Variants in RNH1 observed in about 807,000 individuals in gnomAD.
RNH1 encodes the protein ribonuclease inhibitor.
A neutral mutation model predicts 46.1 loss-of-function variants in RNH1; 38 were observed. That is an observed-to-expected ratio of 0.82 (90% confidence interval 0.64 to 1.08). The LOEUF (loss-of-function observed/expected upper bound fraction) is 1.08, where lower values mean the gene tolerates loss of function less well. Ranked by LOEUF, RNH1 falls within the 50% of genes least tolerant of loss-of-function variation. The pLI, the probability that RNH1 is intolerant of heterozygous loss-of-function variation, is 0.00. For missense variants in RNH1, 577 were observed against 590.7 expected, an observed-to-expected ratio of 0.98 and a Z score of 0.24; for synonymous variants, 319 against 279.1, an observed-to-expected ratio of 1.14 and a Z score of -1.43.
At chr11:495,488 G>C (rs1298019639) in intron 9 of RNH1, among the ~76,000 whole-genome samples, 3 of 152,192 alleles carry the variant, frequency 2.0e-5, no homozygotes, top group Non-Finnish European at 2.9e-5. Flanking sequence ...GCTCCAGAGA[G>C]AGACAAGAGA....
In RNH1 at chr11:501,116, T is replaced by C. The variant is rs1380066045; in HGVS notation, c.102-462A>G. The C allele has an allele frequency of 1.3e-5, 4 of 301,716 alleles. No individual in the cohort carries two copies. Among genetic ancestry groups the C allele is most frequent in the Non-Finnish European group, 2.6e-5 (4 of 154,104 alleles). 18.7% of individuals were successfully genotyped at this position (301,716 alleles called of 1,614,324 possible). A position where few individuals can be genotyped will look rare whatever the true frequency, so the allele number is the denominator to read the frequency against. On this transcript the variant is annotated intron_variant, in intron 3 of 10. Transcript: ENST00000354420. This position sits in a 1 kb window ranked among gnomAD's most constrained non-coding sequence, Gnocchi z 4.1. ...CAGCCTGGGTGACAGAGCAATGCCCTGTCTCTAAAAATAAAAAGAATTTAA... is the reference window on the plus strand; with the variant it reads ...CAGCCTGGGTGACAGAGCAATGCCCCGTCTCTAAAAATAAAAAGAATTTAA...
chr11:497,641 ACT>A lies in RNH1; in HGVS notation c.1127+328_1127+329del, dbSNP rs530087253. ...CACTCTCACGTGCTCACACACGGAC[ACT>A]CGTGCTCTCACCCATGTGCTCACAC... is the stretch of plus-strand genomic sequence containing the variant. On this transcript the variant is annotated intron_variant, in intron 9 of 10. Transcript: ENST00000354420. 7.6e-3 allele frequency among the ~76,000 whole-genome samples: 940 copies of A among 124,022 alleles called. 17 individuals carry two copies. The highest frequency in any genetic ancestry group is 0.028 in the African/African-American group (887 of 31,598). The allele number at this position is 124,022 out of a possible 152,430, so 81.4% of individuals were successfully genotyped here. A position where few individuals can be genotyped will look rare whatever the true frequency, so the allele number is the denominator to read the frequency against.
In RNH1 at chr11:502,012, C is replaced by T. The variant is rs1029967019; in HGVS notation, c.101+50G>A. The T allele has an allele frequency of 5.0e-6, 7 of 1,390,298 alleles. No individual in the cohort carries two copies. Among genetic ancestry groups the T allele is most frequent in the African/African-American group, 2.8e-5 (2 of 70,420 alleles). 86.1% of individuals were successfully genotyped at this position (1,390,298 alleles called of 1,614,324 possible). A position where few individuals can be genotyped will look rare whatever the true frequency, so the allele number is the denominator to read the frequency against. ...GCACCCTTCAGAGGGAGCCGCCACC[C>T]GCCAGCCTGCCCCACCAGCACCCCA... On this transcript the variant is annotated intron_variant, in intron 3 of 10. Coordinates refer to ENST00000354420, the MANE Select transcript of RNH1 (RefSeq NM_203387.3). The surrounding 1 kb of genome is among the most constrained non-coding windows in gnomAD (Gnocchi z 5.8).
rs373073288 is a variant in RNH1 at position 495,002 on chromosome 11, G to A, written c.1179C>T (p.Thr393=). 10 of 1,605,062 alleles carry A rather than the reference G, an allele frequency of 6.2e-6. No homozygotes were observed. In the African/African-American group the frequency reaches 1.1e-4, roughly 17 times the overall value. ...SDSSCSSLAA[T]LLANHSLREL... is the part of the protein sequence containing the mutation. ...CACGCAGGCTGTGGTTGGCCAACAG[G>A]GTTGCGGCGAGGCTGCTGCAGCTGC... Residue 393 remains threonine, a synonymous_variant, in exon 10 of 11, where the codon ACC becomes ACT. Coordinates refer to ENST00000354420, the MANE Select transcript of RNH1 (RefSeq NM_203387.3).
intron 8 of RNH1, 81 bp from the exon 9 acceptor site, chr11:498,222 C>T: frequency 6.8e-7 from 1 of 1,466,868 alleles, no homozygotes; most frequent in Non-Finnish European, 9.2e-7. Flanking sequence ...CTGAAGGCCC[C>T]ACGTGGACCT....
chr11:500,181 C>G, intron 4 of RNH1, 182 bp from the exon 5 acceptor site: 1 of 731,564 alleles, frequency 1.4e-6, no homozygotes, highest in East Asian at 2.7e-5. Context: ...GCATGTGGCT[C>G]GACCCAGGGA....
At chr11:504,095 C>T (rs920719058) in intron 2 of RNH1, among the ~76,000 whole-genome samples, 8 of 152,210 alleles carry the variant, frequency 5.3e-5, no homozygotes, top group Non-Finnish European at 1.0e-4. Context: ...CTCAACCTTA[C>T]GGAGGGAGGT....
At position 498,178 on chromosome 11, in the gene RNH1, C is replaced by T. The variant is rs761024081; in HGVS notation, c.957-37G>A. The T allele has an allele frequency of 4.4e-6, 7 of 1,580,652 alleles. 1 individual carries two copies. The highest frequency in any genetic ancestry group is 4.0e-5 in the African/African-American group (3 of 74,170). On this transcript the variant is annotated intron_variant, in intron 8 of 10. Coordinates refer to ENST00000354420, the MANE Select transcript of RNH1 (RefSeq NM_203387.3). ...GACAGGACTGACGCCTGGCAGGGGC[C>T]CAGGCTGGCCCACAGCTGCGACTGG...
chr11:500,866 C>T (rs1192051902), intron 3 of RNH1: 9 of 679,478 alleles, frequency 1.3e-5, no homozygotes, highest in South Asian at 3.1e-5. Flanking sequence ...CGGTGGCTCA[C>T]GCCTGTAATC....
At position 501,429 on chromosome 11, in the gene RNH1, G is replaced by A. The variant is rs12806062; in HGVS notation, c.101+633C>T. 14,642 of 159,800 alleles carry A rather than the reference G, an allele frequency of 0.092. 915 individuals carry two copies. Among genetic ancestry groups the A allele is most frequent in the Admixed American group, 0.17 (2,961 of 17,068 alleles). 9.9% of individuals were successfully genotyped at this position (159,800 alleles called of 1,614,324 possible). A position where few individuals can be genotyped will look rare whatever the true frequency, so the allele number is the denominator to read the frequency against. On this transcript the variant is annotated intron_variant, in intron 3 of 10. Coordinates refer to ENST00000354420, the MANE Select transcript of RNH1 (RefSeq NM_203387.3). The surrounding 1 kb of genome is among the most constrained non-coding windows in gnomAD (Gnocchi z 4.1). ...AAGGAGACAGAGGGCTGAGGGCCAC[G>A]CAATCCTGGACCAGTGAGGAAGACG...
In RNH1 at chr11:494,590, T is replaced by C. The variant is rs573613628; in HGVS notation, c.*101A>G. 2.0e-6 allele frequency: 2 copies of C among 1,025,590 alleles called. No individual in the cohort carries two copies. Among genetic ancestry groups the C allele is most frequent in the Admixed American group, 4.2e-5 (2 of 47,124 alleles). 63.5% of individuals were successfully genotyped at this position (1,025,590 alleles called of 1,614,324 possible). Reference sequence around the variant, plus strand: ...AAATAAGCGGATCTGAGCGTTTCTCTTCAAACCTAGGATATGCAGGGTGAG... The same window carrying C: ...AAATAAGCGGATCTGAGCGTTTCTCCTCAAACCTAGGATATGCAGGGTGAG... On this transcript the variant is annotated 3_prime_UTR_variant, in exon 11 of 11. Coordinates refer to ENST00000354420, the MANE Select transcript of RNH1 (RefSeq NM_203387.3).
At chr11:497,861 TACAC>T (rs1247761735) in intron 9 of RNH1, 106 bp downstream of exon 9, 22 of 1,316,866 alleles carry the variant, frequency 1.7e-5, no homozygotes, top group Middle Eastern at 2.7e-4. Flanking sequence ...TGTGCTCACA[TACAC>T]ACGGACACTC....
chr11:499,948 T>C lies in RNH1; in HGVS notation c.324A>G (p.Thr108=), dbSNP rs773470528. ...TGAGCGVLSS[T]LRTLPTLQEL... ...CCTGCAGGGTGGGCAGGGTGCGTAGTGTGCTGGACAGGACCCCGCAGCCGG... is the reference window on the plus strand; with the variant it reads ...CCTGCAGGGTGGGCAGGGTGCGTAGCGTGCTGGACAGGACCCCGCAGCCGG... The change falls in exon 5 of 11, where the codon ACA becomes ACG. Residue 108 remains threonine (T), a synonymous_variant. Coordinates refer to ENST00000354420, the MANE Select transcript of RNH1 (RefSeq NM_203387.3). 16 of 1,609,778 alleles carry C rather than the reference T, an allele frequency of 9.9e-6. No homozygotes were observed. Among genetic ancestry groups the C allele is most frequent in the Admixed American group, 3.4e-5 (2 of 59,538 alleles).
At chr11:497,929 TG>T (rs778317296) in intron 9 of RNH1, 41 bp downstream of exon 9, 48 of 1,587,802 alleles carry the variant, frequency 3.0e-5, no homozygotes, top group Non-Finnish European at 3.9e-5. Context: ...CACGGGCATA[TG>T]ATCTCCCAAA....
chr11:499,261 T>G, intron 5 of RNH1, 76 bp from the exon 6 acceptor site: 12 of 1,511,838 alleles, frequency 7.9e-6, no homozygotes, highest in African/African-American at 1.4e-5. Context: ...GCACGGGGTG[T>G]GCTGGTGTCT....
chr11:499,543 G>A (rs1371703783), intron 5 of RNH1: 14 of 699,658 alleles, frequency 2.0e-5, no homozygotes, highest in Middle Eastern at 2.3e-4. Context: ...CCTGACTCAC[G>A]GCCAGGCATC....
At chr11:496,396 G>A (rs992786960) in intron 9 of RNH1, among the ~76,000 whole-genome samples, 2 of 152,092 alleles carry the variant, frequency 1.3e-5, no homozygotes, top group Non-Finnish European at 1.5e-5. Context: ...TAGGCCAGGC[G>A]TGGTGGCTCA....
intron 1 of RNH1, chr11:505,965 C>G (rs367749406): frequency 6.6e-6 from 1 of 152,150 alleles, no homozygotes. Context: ...CCGCAACCTC[C>G]GCCTCCTGAG....
Position 499,881 on chromosome 11 carries a change from G to A in RNH1, c.391C>T (p.Gln131Ter). The A allele has an allele frequency of 1.2e-6, 2 of 1,613,214 alleles. No individual in the cohort carries two copies. Among genetic ancestry groups the A allele is most frequent in the East Asian group, 2.2e-5 (1 of 44,896 alleles). The stretch of plus-strand genomic sequence containing the variant: ...TCCAGGAGTCCTTCGCAGAGCAGCT[G>A]CAGGCCCGCATCCCCCAAGAGGTTG... ...SDNLLGDAGL[Q>*]LLCEGLLDPQ... The change falls in exon 5 of 11, where the codon CAG becomes TAG. Residue 131 changes from glutamine (Q) to a stop codon, truncating the protein, a stop_gained. Transcript: ENST00000354420. LOFTEE classifies it high-confidence loss of function.
Sources: gnomAD v4.1 joint callset for allele counts (sites outside exome capture counted in the v4.1 genomes callset) on GRCh38, gnomAD v4.1.1 for gene constraint, Gnocchi (gnomAD v3.1) non-coding constraint, MANE v1.5 for transcripts, NCBI Gene and HGNC (gene_info 2026-07-23, HGNC 2026-07-21) for gene names.